ERI1: variants seen among roughly 807,000 people sequenced by gnomAD.
The protein encoded by ERI1 is exoribonuclease 1, also known as 3'-5' exoribonuclease 1.
ERI1 carries 39 observed loss-of-function variants against 39.7 expected under a neutral mutation model. That is an observed-to-expected ratio of 0.98 (90% CI 0.76 to 1.28). The LOEUF is 1.28. Among genes scored for constraint, ERI1 ranks in the 50% most tolerant of loss-of-function variants. The pLI is 0.00. For missense variants in ERI1, 581 were observed against 416.9 expected, an observed-to-expected ratio of 1.39 and a Z score of -3.43; for synonymous variants, 204 against 149.6, an observed-to-expected ratio of 1.36 and a Z score of -2.65.
At chr8:9,034,291 G>A (rs1047347268), downstream of ERI1, among the ~76,000 whole-genome samples, 3 of 152,222 alleles carry the variant, frequency 2.0e-5, no homozygotes, top group African/African-American at 7.2e-5. Context: ...AATCATTGTG[G>A]AGCCACAAGG....
intron 6 of ERI1, among the ~76,000 whole-genome samples, chr8:9,027,513 T>G (rs1424965698): frequency 6.6e-6 from 1 of 152,240 alleles, no homozygotes; most frequent in Non-Finnish European, 1.5e-5. Context: ...TTTTTTCTTT[T>G]GTTGCCTGTG....
intron 3 of ERI1, among the ~76,000 whole-genome samples, chr8:9,054,031 A>G (rs1187798169): frequency 7.7e-6 from 1 of 129,584 alleles, no homozygotes; most frequent in South Asian, 2.5e-4. Context: ...AAGGCCTGAT[A>G]GGCTAGAACT....
chr8:9,029,128 G>A (rs1797404593), intron 6 of ERI1, among the ~76,000 whole-genome samples: 1 of 151,928 alleles, frequency 6.6e-6, no homozygotes, highest in Admixed American at 6.6e-5. Context: ...GTCAAGTAAA[G>A]TAATACACTA....
At chr8:9,014,314 C>T (rs551311631) in intron 3 of ERI1, among the ~76,000 whole-genome samples, 3 of 152,190 alleles carry the variant, frequency 2.0e-5, no homozygotes, top group East Asian at 1.9e-4. Context: ...CCCTCCCTCC[C>T]GTTTTTCCTT....
At chr8:9,054,501 A>G (rs973454952) in intron 3 of ERI1, among the ~76,000 whole-genome samples, 4 of 152,256 alleles carry the variant, frequency 2.6e-5, no homozygotes, top group Non-Finnish European at 5.9e-5. Context: ...AAAAGACAGG[A>G]AAAAAGCACA....
intron 6 of ERI1, among the ~76,000 whole-genome samples, chr8:9,025,678 A>G (rs1019032507): frequency 4.0e-5 from 6 of 148,984 alleles, no homozygotes; most frequent in African/African-American, 1.5e-4. Context: ...ACTCTCTAGG[A>G]CTTTTCATTT....
chr8:9,067,255 T>C (rs1798906998), intron 3 of ERI1, among the ~76,000 whole-genome samples: 1 of 152,164 alleles, frequency 6.6e-6, no homozygotes, highest in Non-Finnish European at 1.5e-5. Flanking sequence ...CGTTCCTGTA[T>C]CAGCCTGAAA....
At chr8:9,042,876 T>G (rs1339871448) in intron 3 of ERI1, among the ~76,000 whole-genome samples, 1 of 152,148 alleles carries the variant, frequency 6.6e-6, no homozygotes, top group Non-Finnish European at 1.5e-5. Flanking sequence ...AGAGAAGGGA[T>G]GCTCAACCTA....
At chr8:9,068,573 T>C (rs996135291) in intron 3 of ERI1, among the ~76,000 whole-genome samples, 2 of 152,138 alleles carry the variant, frequency 1.3e-5, no homozygotes, top group African/African-American at 4.8e-5. Flanking sequence ...TAGGGGTCTT[T>C]ATTGAGCACC....
At chr8:9,075,842 T>G (rs967626502) in intron 3 of ERI1, among the ~76,000 whole-genome samples, 33 of 152,356 alleles carry the variant, frequency 2.2e-4, no homozygotes, top group African/African-American at 7.9e-4. Flanking sequence ...TCTTGCCATA[T>G]GCCCAGGCTG....
intron 3 of ERI1, among the ~76,000 whole-genome samples, chr8:9,059,225 C>A (rs1798611661): frequency 6.6e-6 from 1 of 152,066 alleles, no homozygotes; most frequent in South Asian, 2.1e-4. Flanking sequence ...GGTGGAATGT[C>A]ATCAGTTAAG....
At chr8:9,025,821 G>T (rs1818417287) in intron 6 of ERI1, among the ~76,000 whole-genome samples, 1 of 151,652 alleles carries the variant, frequency 6.6e-6, no homozygotes, top group African/African-American at 2.4e-5. Context: ...TCAGATTTTG[G>T]AATATTTGCA....
intron 3 of ERI1, among the ~76,000 whole-genome samples, chr8:9,063,495 A>G (rs2117404413): frequency 6.6e-6 from 1 of 152,272 alleles, no homozygotes; most frequent in African/African-American, 2.4e-5. Context: ...AGGCTGAGGA[A>G]GAATCGGGAC....
chr8:9,043,265 T>A (rs1798079964), intron 3 of ERI1, among the ~76,000 whole-genome samples: 1 of 152,236 alleles, frequency 6.6e-6, no homozygotes, highest in Non-Finnish European at 1.5e-5. Context: ...TTTGTGTGGC[T>A]CAGATATGTA....
chr8:9,030,174 A>T lies in ERI1; in HGVS notation c.*140A>T. ...CTTATTACAGGTGATAGAGATAGAT[A>T]CATGTATGTGAACAGATTTTGTAGG... On this transcript the variant is annotated 3_prime_UTR_variant, in exon 7 of 7. Coordinates refer to ENST00000250263, the MANE Select transcript of ERI1 (RefSeq NM_153332.4). 1 of 1,140,256 alleles carries T rather than the reference A, an allele frequency of 8.8e-7. No homozygotes were observed. The highest frequency in any genetic ancestry group is 1.2e-6 in the Non-Finnish European group (1 of 822,884). The allele number at this position is 1,140,256 out of a possible 1,614,324, so 70.6% of individuals were successfully genotyped here.
chr8:9,013,172 G>T lies in ERI1; in HGVS notation c.498+1420G>T, dbSNP rs142637487. On this transcript the variant is annotated intron_variant, in intron 3 of 6. Transcript: ENST00000250263. ...TGGGAATACAGGTGTGTGTCACCAC[G>T]CCCGGCTAATTTTTTGTATTTTAGT... Among the ~76,000 whole-genome samples the T allele has an allele frequency of 1.2e-3, 175 of 151,708 alleles. 2 individuals are homozygous for T. The highest frequency in any genetic ancestry group is 4.0e-3 in the African/African-American group (166 of 41,338).
chr8:9,073,168 A>T (rs929649297), intron 3 of ERI1, among the ~76,000 whole-genome samples: 1 of 152,204 alleles, frequency 6.6e-6, no homozygotes, highest in Non-Finnish European at 1.5e-5. Context: ...ACCTGGCCTC[A>T]TGCCTTCGGC....
chr8:9,004,187 C>G (rs1328422429), intron 1 of ERI1: 1 of 1,287,842 alleles, frequency 7.8e-7, no homozygotes, highest in African/African-American at 1.5e-5. Context: ...TTATCTTTCT[C>G]CTTCTAAGGT....
chr8:9,027,267 C>G (rs1488741259), intron 6 of ERI1, among the ~76,000 whole-genome samples: 1 of 151,512 alleles, frequency 6.6e-6, no homozygotes, highest in Non-Finnish European at 1.5e-5. Context: ...AGCATCTTTT[C>G]ATGTGATTTT....
Sources: gnomAD v4.1 joint callset for allele counts (sites outside exome capture counted in the v4.1 genomes callset) on GRCh38, gnomAD v4.1.1 for gene constraint, MANE v1.5 for transcripts, NCBI Gene and HGNC (gene_info 2026-07-23, HGNC 2026-07-21) for gene names.